Variants in LRMDA observed in about 807,000 individuals in gnomAD.
The protein encoded by LRMDA is leucine-rich melanocyte differentiation-associated protein.
In LRMDA, 18 loss-of-function variants were observed where a neutral mutation model predicts 29.8. The observed-to-expected ratio is 0.60, with a 90% CI of 0.42 to 0.90. LRMDA has a LOEUF of 0.90. Among genes scored for constraint, LRMDA ranks in the 40% least tolerant of loss-of-function variants. The probability of loss-of-function intolerance (pLI) is 0.00; values close to 1 mark genes in which losing one functional copy is unlikely to be tolerated. For synonymous variants in LRMDA, 125 were observed against 109.4 expected (o/e 1.14, Z -0.89); for missense variants, 273 against 273.9 (o/e 1.00, Z 0.02).
intron 2 of LRMDA, among the ~76,000 whole-genome samples, chr10:76,027,613 A>G (rs1282847779): frequency 6.6e-6 from 1 of 152,194 alleles, no homozygotes; most frequent in Non-Finnish European, 1.5e-5. Context: ...ATTGTATATT[A>G]ACAGCAGTTT....
Position 76,498,291 on chromosome 10 carries a change from G to A in LRMDA, c.602-58918G>A, listed in dbSNP as rs1476556580. On this transcript the variant is annotated intron_variant, in intron 6 of 6. Coordinates refer to ENST00000611255, the MANE Select transcript of LRMDA (RefSeq NM_001305581.2). The stretch of plus-strand genomic sequence containing the variant: ...CCTCAAAGGCCTCTCATAAATCCAA[G>A]CCAAACACTGTGTTAGGAGGTTCCT... 5.3e-5 allele frequency among the ~76,000 whole-genome samples: 4 copies of A among 75,358 alleles called. 2 individuals are homozygous for A. Among genetic ancestry groups the A allele is most frequent in the Admixed American group, 2.5e-4 (2 of 8,086 alleles). 49.4% of individuals were successfully genotyped at this position (75,358 alleles called of 152,430 possible).
Position 75,814,130 on chromosome 10 carries a change from T to TG in LRMDA, c.132-221876dup, listed in dbSNP as rs1394893748. Among the ~76,000 whole-genome samples the TG allele has an allele frequency of 3.3e-5, 5 of 152,380 alleles. No homozygotes were observed. In the Middle Eastern group the frequency reaches 0.01, roughly 311 times the overall value. ...GGAGGAAGAGTGAAGAGGTTCCTTC[T>TG]GGACACTGGGCCCTTGAACTTGAAG... On this transcript the variant is annotated intron_variant, in intron 2 of 6. Transcript: ENST00000611255.
intron 2 of LRMDA, among the ~76,000 whole-genome samples, chr10:75,570,280 T>C (rs547231591): frequency 2.0e-5 from 3 of 152,260 alleles, no homozygotes; most frequent in Non-Finnish European, 4.4e-5. Flanking sequence ...CTTGAAAGGT[T>C]AAAAGCACTA....
chr10:75,713,651 C>A (rs1842464268), intron 2 of LRMDA, among the ~76,000 whole-genome samples: 1 of 152,218 alleles, frequency 6.6e-6, no homozygotes, highest in Non-Finnish European at 1.5e-5. Context: ...AAATGAGCCA[C>A]AGACTTTTTA....
chr10:76,187,043 C>T (rs1415293416), intron 5 of LRMDA, among the ~76,000 whole-genome samples: 1 of 152,134 alleles, frequency 6.6e-6, no homozygotes, highest in Non-Finnish European at 1.5e-5. Flanking sequence ...TGACATTCTT[C>T]ACTACTCCCA....
At chr10:75,988,736 C>T (rs961014296) in intron 2 of LRMDA, among the ~76,000 whole-genome samples, 6 of 152,162 alleles carry the variant, frequency 3.9e-5, no homozygotes, top group African/African-American at 1.4e-4. Flanking sequence ...CCCAAGTGCT[C>T]CCAAGGCCCA....
intron 5 of LRMDA, among the ~76,000 whole-genome samples, chr10:76,290,634 C>G (rs1310311129): frequency 6.6e-6 from 1 of 151,910 alleles, no homozygotes; most frequent in Non-Finnish European, 1.5e-5. Context: ...GTTGGCCAGG[C>G]TGGTCTCGAA....
intron 2 of LRMDA, among the ~76,000 whole-genome samples, chr10:75,466,205 GGTT>G (rs1844648647): frequency 6.6e-6 from 1 of 152,196 alleles, no homozygotes; most frequent in Non-Finnish European, 1.5e-5. Context: ...AGGAAGGGTT[GGTT>G]GGTGGTGACT....
chr10:76,014,706 G>T (rs1589289546), intron 2 of LRMDA, among the ~76,000 whole-genome samples: 1 of 152,172 alleles, frequency 6.6e-6, no homozygotes, highest in South Asian at 2.1e-4. Flanking sequence ...AACAACTTAG[G>T]CTCCTTCTAA....
At chr10:76,140,848 T>A (rs373222604) in intron 5 of LRMDA, among the ~76,000 whole-genome samples, 1 of 152,122 alleles carries the variant, frequency 6.6e-6, no homozygotes, top group Non-Finnish European at 1.5e-5. Flanking sequence ...CTAGACAGAC[T>A]TTGTCACAAG....
At chr10:76,065,829 G>A (rs1001071543) in intron 5 of LRMDA, among the ~76,000 whole-genome samples, 4 of 152,220 alleles carry the variant, frequency 2.6e-5, no homozygotes, top group Admixed American at 2.0e-4. Context: ...TGACCAATGG[G>A]ATGCGAGTGG....
chr10:75,894,750 A>T (rs77865405), intron 2 of LRMDA, among the ~76,000 whole-genome samples: 2 of 152,188 alleles, frequency 1.3e-5, no homozygotes, highest in African/African-American at 4.8e-5. Context: ...CTGACTACAC[A>T]CCAGAGACAA....
intron 2 of LRMDA, among the ~76,000 whole-genome samples, chr10:75,959,517 GCA>G (rs3042540): frequency 4.2e-4 from 63 of 150,074 alleles, no homozygotes; most frequent in Middle Eastern, 3.5e-3. Flanking sequence ...GCACGTGCAT[GCA>G]CACACACACA....
intron 5 of LRMDA, among the ~76,000 whole-genome samples, chr10:76,139,453 T>G (rs1280907819): frequency 1.3e-5 from 2 of 152,200 alleles, no homozygotes; most frequent in African/African-American, 2.4e-5. Context: ...ACATGCTTAC[T>G]TACTCTGGTT....
intron 2 of LRMDA, among the ~76,000 whole-genome samples, chr10:75,811,798 G>A (rs1843965909): frequency 6.6e-6 from 1 of 152,158 alleles, no homozygotes; most frequent in East Asian, 1.9e-4. Context: ...CACTTGCTGT[G>A]TTGGCTCATT....
At chr10:75,526,864 A>C (rs866726609) in intron 2 of LRMDA, among the ~76,000 whole-genome samples, 14 of 152,190 alleles carry the variant, frequency 9.2e-5, no homozygotes, top group African/African-American at 2.6e-4. Flanking sequence ...ATCTCAAAAA[A>C]AAAAAAAACA....
At chr10:75,484,030 G>C (rs182894331) in intron 2 of LRMDA, among the ~76,000 whole-genome samples, 5 of 151,998 alleles carry the variant, frequency 3.3e-5, no homozygotes, top group African/African-American at 1.2e-4. Context: ...ACCATGGCTC[G>C]CTGCAACCTC....
intron 2 of LRMDA, among the ~76,000 whole-genome samples, chr10:75,622,175 G>A (rs145969291): frequency 6.6e-6 from 1 of 152,280 alleles, no homozygotes; most frequent in South Asian, 2.1e-4. Flanking sequence ...TTAGGGGAAT[G>A]TATTTAGAGA....
chr10:76,413,896 C>A (rs1841988999), intron 6 of LRMDA, among the ~76,000 whole-genome samples: 2 of 152,176 alleles, frequency 1.3e-5, no homozygotes, highest in Non-Finnish European at 1.5e-5. Context: ...ATGATTATCT[C>A]ACATCATCCT....
Sources: gnomAD v4.1 joint callset for allele counts (sites outside exome capture counted in the v4.1 genomes callset) on GRCh38, gnomAD v4.1.1 for gene constraint, MANE v1.5 for transcripts, NCBI Gene and HGNC (gene_info 2026-07-23, HGNC 2026-07-21) for gene names.